The following VWA3B variants were observed in gnomAD, a reference collection of about 807,000 sequenced individuals.
The protein encoded by VWA3B is von Willebrand factor A domain containing 3B, also known as von Willebrand factor A domain-containing protein 3B.
VWA3B carries 138 observed loss-of-function variants against 158.3 expected under a neutral mutation model. That is an observed-to-expected ratio of 0.87 (90% CI 0.76 to 1.00). The LOEUF (loss-of-function observed/expected upper bound fraction) is 1.00, where lower values mean the gene tolerates loss of function less well. Among genes scored for constraint, VWA3B ranks in the 50% least tolerant of loss-of-function variants. VWA3B has a pLI of 0.00. For missense variants in VWA3B, 1,555 were observed against 1,565.1 expected, an observed-to-expected ratio of 0.99 and a Z score of 0.11; for synonymous variants, 596 against 587.3, an observed-to-expected ratio of 1.01 and a Z score of -0.21.
At chr2:98,181,235 AG>A in intron 9 of VWA3B, 23 bp downstream of exon 9, 1 of 1,608,888 alleles carries the variant, frequency 6.2e-7, no homozygotes, top group Non-Finnish European at 8.5e-7. Context: ...CACTCCTGGG[AG>A]GGGCTGGGGC....
chr2:98,212,149 C>T, intron 13 of VWA3B, 121 bp downstream of exon 13: 1 of 730,756 alleles, frequency 1.4e-6, no homozygotes, highest in Non-Finnish European at 2.3e-6. Flanking sequence ...ACTTCCTTGG[C>T]TTAGGGACTC....
At chr2:98,255,573 G>A (rs192929884) in intron 20 of VWA3B, among the ~76,000 whole-genome samples, 46 of 152,034 alleles carry the variant, frequency 3.0e-4, no homozygotes, top group African/African-American at 1.1e-3. Context: ...CTCTGAAAAC[G>A]CGATCAGTCT....
At position 98,144,223 on chromosome 2, in the gene VWA3B, A is replaced by C. The variant is rs1002346182; in HGVS notation, c.988+10284A>C. Among the ~76,000 whole-genome samples the C allele has an allele frequency of 2.6e-5, 4 of 152,260 alleles. No homozygotes were observed. The South Asian group carries it at 8.3e-4, about 32-fold the overall frequency. ...TGCATATATATGAAAAATGTTTTCT[A>C]TGGTCTCTAGCACACAGTTAACCAA... On this transcript the variant is annotated intron_variant, in intron 7 of 27. Transcript: ENST00000477737.
At chr2:98,109,799 T>C (rs1346508952) in intron 2 of VWA3B, among the ~76,000 whole-genome samples, 1 of 151,952 alleles carries the variant, frequency 6.6e-6, no homozygotes, top group Non-Finnish European at 1.5e-5. Context: ...GTTCTTTTTT[T>C]TTTTTTTTAG....
chr2:98,242,639 T>G (rs62156710), intron 19 of VWA3B, among the ~76,000 whole-genome samples: 5,833 of 150,184 alleles, frequency 0.039, 163 homozygotes, highest in Middle Eastern at 0.075. Context: ...TGTGGCCAGA[T>G]AGCCTGGATT....
chr2:98,203,797 G>A (rs945818922), intron 12 of VWA3B, among the ~76,000 whole-genome samples: 2 of 152,124 alleles, frequency 1.3e-5, no homozygotes, highest in East Asian at 1.9e-4. Context: ...GTAGGCTTAC[G>A]TACTATTTCG....
chr2:98,106,067 C>T (rs1404962598), intron 2 of VWA3B, among the ~76,000 whole-genome samples: 5 of 152,086 alleles, frequency 3.3e-5, no homozygotes, highest in Admixed American at 3.3e-4. Flanking sequence ...AGGCGACCAC[C>T]ACCATGCCCG....
intron 2 of VWA3B, among the ~76,000 whole-genome samples, chr2:98,105,384 G>T (rs1366266045): frequency 6.6e-6 from 1 of 152,152 alleles, no homozygotes; most frequent in Non-Finnish European, 1.5e-5. Context: ...ATATCAAAAT[G>T]AGGAATTTGA....
Position 98,263,738 on chromosome 2 carries a change from G to A in VWA3B, c.2844-6944G>A, listed in dbSNP as rs13385041. ...ATCTCTGTCTGGTTATGATATCAGCGTAATTTCTGTCTCATAAAATGAGTT... is the reference window on the plus strand; with the variant it reads ...ATCTCTGTCTGGTTATGATATCAGCATAATTTCTGTCTCATAAAATGAGTT... On this transcript the variant is annotated intron_variant, in intron 21 of 27. Coordinates refer to ENST00000477737, the MANE Select transcript of VWA3B (RefSeq NM_144992.5). 5.1e-3 allele frequency among the ~76,000 whole-genome samples: 768 copies of A among 151,966 alleles called. 11 individuals carry two copies. The highest frequency in any genetic ancestry group is 0.017 in the African/African-American group (693 of 41,476).
At chr2:98,187,666 G>A (rs1681206370) in intron 9 of VWA3B, among the ~76,000 whole-genome samples, 1 of 29,636 alleles carries the variant, frequency 3.4e-5, no homozygotes, top group Non-Finnish European at 8.6e-5. Context: ...CTCTGTGTCT[G>A]TGTGTGTGTG....
intron 7 of VWA3B, among the ~76,000 whole-genome samples, chr2:98,147,253 A>G (rs1410823237): frequency 6.6e-6 from 1 of 152,190 alleles, no homozygotes; most frequent in African/African-American, 2.4e-5. Flanking sequence ...GTGCATGCAT[A>G]CATTATCTCA....
intron 7 of VWA3B, among the ~76,000 whole-genome samples, chr2:98,139,756 AC>A (rs1431006007): frequency 1.3e-5 from 2 of 152,146 alleles, no homozygotes; most frequent in Admixed American, 6.5e-5. Context: ...GTCAAAACAG[AC>A]CACTCGGCTC....
intron 8 of VWA3B, among the ~76,000 whole-genome samples, chr2:98,165,261 G>A: frequency 6.6e-6 from 1 of 152,222 alleles, no homozygotes; most frequent in East Asian, 1.9e-4. Flanking sequence ...AGGTGCTACT[G>A]CTAGTATTAT....
chr2:98,295,535 C>T (rs900196181), intron 23 of VWA3B, among the ~76,000 whole-genome samples: 2 of 152,208 alleles, frequency 1.3e-5, no homozygotes, highest in African/African-American at 4.8e-5. Context: ...CAACTCATCC[C>T]CAGGGAGGCA....
intron 21 of VWA3B, among the ~76,000 whole-genome samples, chr2:98,259,059 G>A (rs1687325995): frequency 4.0e-5 from 6 of 151,656 alleles, no homozygotes; most frequent in Admixed American, 3.3e-4. Context: ...CTAATGTGAT[G>A]TATTAAATCA....
At chr2:98,327,021 G>A in the VWA3B span, among the ~76,000 whole-genome samples, 507 of 151,668 alleles carry the variant, frequency 3.3e-3, 5 homozygotes, top group Middle Eastern at 6.8e-3. Flanking sequence ...TAGGCCAGGT[G>A]CAGAGACTCA....
chr2:98,259,788 G>C (rs1167941979), intron 21 of VWA3B, among the ~76,000 whole-genome samples: 1 of 151,412 alleles, frequency 6.6e-6, no homozygotes, highest in Non-Finnish European at 1.5e-5. Flanking sequence ...TTTGGGTTTA[G>C]TTTTCCCTCC....
chr2:98,266,111 T>A (rs1687808711), intron 21 of VWA3B, among the ~76,000 whole-genome samples: 1 of 149,684 alleles, frequency 6.7e-6, no homozygotes. Flanking sequence ...AGACATGAAG[T>A]CCTTGCCCAT....
At chr2:98,285,037 A>G (rs1689084547) in intron 22 of VWA3B, among the ~76,000 whole-genome samples, 1 of 152,210 alleles carries the variant, frequency 6.6e-6, no homozygotes, top group African/African-American at 2.4e-5. Flanking sequence ...CCTTAAAAAA[A>G]AGATTTGTAG....
Sources: allele counts gnomAD v4.1 joint callset (sites outside exome capture counted in the v4.1 genomes callset), GRCh38; gene constraint gnomAD v4.1.1; transcripts MANE v1.5; gene names NCBI Gene and HGNC (gene_info 2026-07-23, HGNC 2026-07-21).